SASS6: variants seen among roughly 807,000 people sequenced by gnomAD.
SASS6 encodes the protein SAS-6 centriolar assembly protein.
SASS6 carries 59 observed loss-of-function variants against 94.9 expected under a neutral mutation model. The observed-to-expected ratio is 0.62, with a 90% CI of 0.50 to 0.77. SASS6 has a LOEUF of 0.77. Ranked by LOEUF, SASS6 falls within the 30% of genes least tolerant of loss-of-function variation. The pLI is 0.00. For missense variants in SASS6, 698 were observed against 734.1 expected, an observed-to-expected ratio of 0.95 and a Z score of 0.57; for synonymous variants, 264 against 270.0, an observed-to-expected ratio of 0.98 and a Z score of 0.22.
chr1:100,108,790 C>G (rs963564943), intron 8 of SASS6, among the ~76,000 whole-genome samples: 4 of 152,124 alleles, frequency 2.6e-5, no homozygotes, highest in Non-Finnish European at 4.4e-5. Context: ...TCTCAGTTCC[C>G]TCATTTGTAA....
intron 3 of SASS6, 132 bp downstream of exon 3, chr1:100,123,078 A>G: frequency 2.0e-6 from 1 of 499,374 alleles, no homozygotes; most frequent in East Asian, 3.7e-5. Flanking sequence ...AAGTAAAGAT[A>G]GTACAAATAG....
intron 7 of SASS6, among the ~76,000 whole-genome samples, chr1:100,111,878 C>T (rs1435865258): frequency 6.6e-6 from 1 of 151,912 alleles, no homozygotes; most frequent in Non-Finnish European, 1.5e-5. Context: ...CTGTAACTGT[C>T]TAAGAGAGTA....
At position 100,085,310 on chromosome 1, in the gene SASS6, T is replaced by C. The variant is rs1651153922; in HGVS notation, c.*18A>G. 6.7e-7 allele frequency: 1 copy of C among 1,484,530 alleles called. No homozygotes were observed. Among genetic ancestry groups the C allele is most frequent in the African/African-American group, 1.4e-5 (1 of 72,374 alleles). The allele number at this position is 1,484,530 out of a possible 1,614,324, so 92.0% of individuals were successfully genotyped here. On this transcript the variant is annotated 3_prime_UTR_variant, in exon 17 of 17. Transcript: ENST00000287482. ...GAGTTTCTAAAATACCAATAAAAAG[T>C]AAAACATGACACTAGAATTAACTGT...
chr1:100,103,140 T>C, intron 13 of SASS6, 57 bp from the exon 14 acceptor site: 1 of 1,173,360 alleles, frequency 8.5e-7, no homozygotes, highest in African/African-American at 1.6e-5. Context: ...AAATAGTATT[T>C]GTTGATCAGG....
chr1:100,093,046 A>C (rs1351993359), intron 14 of SASS6, among the ~76,000 whole-genome samples: 1 of 152,186 alleles, frequency 6.6e-6, no homozygotes, highest in Non-Finnish European at 1.5e-5. Flanking sequence ...AAGTGGTAAG[A>C]TATTAATTCT....
Position 100,122,495 on chromosome 1 carries a change from G to A in SASS6, c.207-11C>T, listed in dbSNP as rs757422655. 1 of 1,001,030 alleles carries A rather than the reference G, an allele frequency of 1.0e-6. No homozygotes were observed. Among genetic ancestry groups the A allele is most frequent in the South Asian group, 1.4e-5 (1 of 69,186 alleles). 62.0% of individuals were successfully genotyped at this position (1,001,030 alleles called of 1,614,324 possible). On this transcript the variant is annotated splice_polypyrimidine_tract_variant and intron_variant, in intron 3 of 16. Coordinates refer to ENST00000287482, the MANE Select transcript of SASS6 (RefSeq NM_194292.3). ...TGCTGGAATTTTAAACTATACAGAA[G>A]AAAGGAAAAGAAATTTTTTAAAAAT... is the stretch of plus-strand genomic sequence containing the variant.
At position 100,111,670 on chromosome 1, in the gene SASS6, T is replaced by G. The variant is rs889621463; in HGVS notation, c.670-1187A>C. ...TAGCACTAGTACAGGGGAGTGTCTC[T>G]CTCATAAAATACCTTAGGAATTTTA... is the stretch of plus-strand genomic sequence containing the variant. On this transcript the variant is annotated intron_variant, in intron 7 of 16. Transcript: ENST00000287482. Among the ~76,000 whole-genome samples, 7 of 152,222 alleles carry G rather than the reference T, an allele frequency of 4.6e-5. No individual in the cohort carries two copies. The East Asian group carries it at 9.6e-4, about 21-fold the overall frequency.
chr1:100,128,724 T>C (rs979709220), intron 1 of SASS6, among the ~76,000 whole-genome samples: 3 of 152,236 alleles, frequency 2.0e-5, no homozygotes, highest in Non-Finnish European at 2.9e-5. Context: ...CTCATCTCAA[T>C]AGATGTCGTA....
chr1:100,123,274 G>C lies in SASS6; in HGVS notation c.142C>G (p.Leu48Val). ...AAAAATGGATCCGTGTCATCAGTCAGACGAATAACTAAGTCCTAAAAGAAA... is the reference window on the plus strand; with the variant it reads ...AAAAATGGATCCGTGTCATCAGTCACACGAATAACTAAGTCCTAAAAGAAA... ...PVHRKDLVIR[L>V]TDDTDPFFLY... The change falls in exon 3 of 17, where the codon CTG becomes GTG. Residue 48 changes from leucine (L) to valine (V), a missense_variant. By Grantham distance (32) the Leu-to-Val change is conservative (BLOSUM62 1). Coordinates refer to ENST00000287482, the MANE Select transcript of SASS6 (RefSeq NM_194292.3). The C allele has an allele frequency of 1.3e-6, 2 of 1,541,004 alleles. No homozygotes were observed. Among genetic ancestry groups the C allele is most frequent in the Non-Finnish European group, 1.8e-6 (2 of 1,122,798 alleles).
intron 8 of SASS6, among the ~76,000 whole-genome samples, chr1:100,109,006 C>T (rs1219302923): frequency 6.6e-6 from 1 of 150,626 alleles, no homozygotes; most frequent in Non-Finnish European, 1.5e-5. Flanking sequence ...CAAGAACTAA[C>T]AATTTGCAAG....
intron 7 of SASS6, among the ~76,000 whole-genome samples, 167 bp downstream of exon 7, chr1:100,118,851 T>C (rs764341921): frequency 3.9e-5 from 6 of 152,194 alleles, no homozygotes; most frequent in Non-Finnish European, 7.3e-5. Flanking sequence ...AAAATGTTTA[T>C]AGATTATCTC....
chr1:100,121,694 A>T (rs507233), intron 4 of SASS6, 145 bp from the exon 5 acceptor site: 55 of 525,316 alleles, frequency 1.0e-4, no homozygotes, highest in African/African-American at 1.8e-4. Context: ...GGGCAAAAAA[A>T]AGAAAAGATT....
At chr1:100,101,452 A>G (rs1317836948) in intron 14 of SASS6, among the ~76,000 whole-genome samples, 3 of 151,990 alleles carry the variant, frequency 2.0e-5, no homozygotes, top group African/African-American at 7.3e-5. Context: ...GATTCCTCTG[A>G]TTCCACAAGA....
chr1:100,105,054 C>CT (rs1412414218), intron 13 of SASS6, among the ~76,000 whole-genome samples: 1 of 152,014 alleles, frequency 6.6e-6, no homozygotes, highest in Admixed American at 6.5e-5. Flanking sequence ...GGACTTTTTT[C>CT]TTTTTTACTT....
chr1:100,087,735 A>T (rs1651410853), intron 15 of SASS6, among the ~76,000 whole-genome samples: 1 of 152,232 alleles, frequency 6.6e-6, no homozygotes, highest in South Asian at 2.1e-4. Flanking sequence ...TGAAAGCAAT[A>T]AATCAGAAAA....
chr1:100,108,659 T>C (rs1047513335), intron 8 of SASS6, among the ~76,000 whole-genome samples: 1 of 152,074 alleles, frequency 6.6e-6, no homozygotes, highest in Admixed American at 6.5e-5. Flanking sequence ...TTTCCAAAAA[T>C]AATTATACAG....
Position 100,085,519 on chromosome 1 carries a change from C to A in SASS6, c.1867+17G>T, listed in dbSNP as rs758166953. On this transcript the variant is annotated intron_variant, in intron 16 of 16. Transcript: ENST00000287482. ...AATTCAACTATAAAGTACAAAAATC[C>A]AGAAATCCCTGCTTACCTGAATTAC... 4 of 1,599,588 alleles carry A rather than the reference C, an allele frequency of 2.5e-6. No individual in the cohort carries two copies. Among genetic ancestry groups the A allele is most frequent in the Non-Finnish European group, 3.4e-6 (4 of 1,167,740 alleles).
chr1:100,103,990 G>C (rs1652695742), intron 13 of SASS6, among the ~76,000 whole-genome samples: 2 of 152,160 alleles, frequency 1.3e-5, no homozygotes, highest in Non-Finnish European at 2.9e-5. Context: ...GGTATTAAAA[G>C]GGACTTATTT....
intron 2 of SASS6, among the ~76,000 whole-genome samples, chr1:100,125,374 G>A (rs544174245): frequency 1.9e-4 from 29 of 151,152 alleles, no homozygotes; most frequent in South Asian, 1.2e-3. Flanking sequence ...AATTTTTCAC[G>A]TATGTTTTAG....
Sources: allele counts gnomAD v4.1 joint callset (sites outside exome capture counted in the v4.1 genomes callset), GRCh38; gene constraint gnomAD v4.1.1; transcripts MANE v1.5; gene names NCBI Gene and HGNC (gene_info 2026-07-23, HGNC 2026-07-21).